The following RASGEF1A variants were observed in gnomAD, a reference collection of about 807,000 sequenced individuals.
The protein encoded by RASGEF1A is ras-GEF domain-containing family member 1A.
Under a neutral mutation model 56.4 loss-of-function variants are expected in RASGEF1A, and 18 were observed. The observed-to-expected ratio is 0.32, with a 90% CI of 0.22 to 0.47. The LOEUF (loss-of-function observed/expected upper bound fraction) is 0.47, where lower values mean the gene tolerates loss of function less well. RASGEF1A is among the 20% of genes least tolerant of loss of function. The pLI, the probability that RASGEF1A is intolerant of heterozygous loss-of-function variation, is 1.00. For synonymous variants in RASGEF1A, 245 were observed against 242.6 expected, an observed-to-expected ratio of 1.01 and a Z score of -0.09; for missense variants, 422 against 627.1, an observed-to-expected ratio of 0.67 and a Z score of 3.49.
intron 2 of RASGEF1A, among the ~76,000 whole-genome samples, chr10:43,205,679 T>G (rs745383895): frequency 1.6e-4 from 25 of 152,242 alleles, no homozygotes; most frequent in Middle Eastern, 3.4e-3. Flanking sequence ...CATCTCCTCC[T>G]ACCTGGGGCA....
intron 1 of RASGEF1A, among the ~76,000 whole-genome samples, chr10:43,244,838 A>T (rs1055164110): frequency 3.3e-5 from 5 of 152,132 alleles, no homozygotes; most frequent in African/African-American, 9.7e-5. Context: ...TATATATATA[A>T]AACTATAAAT....
chr10:43,237,817 C>T (rs984088207), intron 1 of RASGEF1A, among the ~76,000 whole-genome samples: 1 of 152,190 alleles, frequency 6.6e-6, no homozygotes, highest in Admixed American at 6.5e-5. Context: ...ATGGCCCCAG[C>T]ACATAGACCA....
Position 43,196,628 on chromosome 10 carries a change from G to T in RASGEF1A, c.1349-80C>A. ...ACCCAGCTGTCCCTTCAGGAGTACAGCCCAGCACAAGGGGACAGTGACCTC... is the reference window on the plus strand; with the variant it reads ...ACCCAGCTGTCCCTTCAGGAGTACATCCCAGCACAAGGGGACAGTGACCTC... On this transcript the variant is annotated intron_variant, in intron 11 of 12. Coordinates refer to ENST00000395810, the MANE Select transcript of RASGEF1A (RefSeq NM_145313.4). This position sits in a 1 kb window ranked among gnomAD's most constrained non-coding sequence, Gnocchi z 4.6. 1 of 1,317,754 alleles carries T rather than the reference G, an allele frequency of 7.6e-7. No homozygotes were observed. The highest frequency in any genetic ancestry group is 1.1e-6 in the Non-Finnish European group (1 of 920,674). 81.6% of individuals were successfully genotyped at this position (1,317,754 alleles called of 1,614,324 possible). A position where few individuals can be genotyped will look rare whatever the true frequency, so the allele number is the denominator to read the frequency against.
rs1358501526 is a variant in RASGEF1A at position 43,203,117 on chromosome 10, C to T, written c.321+181G>A. 2.8e-5 allele frequency among the ~76,000 whole-genome samples: 4 copies of T among 144,782 alleles called. No individual in the cohort carries two copies. In the East Asian group the frequency reaches 8.4e-4, roughly 30 times the overall value. The allele number at this position is 144,782 out of a possible 152,430, so 95.0% of individuals were successfully genotyped here. On this transcript the variant is annotated intron_variant, in intron 3 of 12. Coordinates refer to ENST00000395810, the MANE Select transcript of RASGEF1A (RefSeq NM_145313.4). ...GCCACGCCTCAACCCTAGCCCTGAC[C>T]CCACCCCCTGGCCCCACCCTGGACC... is the stretch of plus-strand genomic sequence containing the variant.
At chr10:43,265,825 G>A (rs891140173) in intron 1 of RASGEF1A, among the ~76,000 whole-genome samples, 23 of 152,344 alleles carry the variant, frequency 1.5e-4, no homozygotes, top group African/African-American at 5.3e-4. Context: ...GAGGGGGCGG[G>A]AGAACCCTGG....
At chr10:43,210,868 G>A (rs12243574) in intron 1 of RASGEF1A, among the ~76,000 whole-genome samples, 3 of 72,388 alleles carry the variant, frequency 4.1e-5, no homozygotes, top group Non-Finnish European at 6.2e-5. Flanking sequence ...TGCAGGGAGT[G>A]GGGGACAGGC....
chr10:43,256,044 T>C (rs1037939274), intron 1 of RASGEF1A, among the ~76,000 whole-genome samples: 5 of 152,120 alleles, frequency 3.3e-5, no homozygotes, highest in Non-Finnish European at 5.9e-5. Flanking sequence ...AGAGCTACCA[T>C]AGTGTTTAGA....
chr10:43,213,943 A>T (rs78942624), intron 1 of RASGEF1A, among the ~76,000 whole-genome samples: 8,559 of 152,160 alleles, frequency 0.056, 624 homozygotes, highest in African/African-American at 0.17. Flanking sequence ...CTACCCAGCT[A>T]TCTAATGTGA....
chr10:43,208,668 C>G (rs1840028131), intron 1 of RASGEF1A: 1 of 985,512 alleles, frequency 1.0e-6, no homozygotes, highest in African/African-American at 1.7e-5. Flanking sequence ...GGAGACCCAC[C>G]TGGGGACACG....
chr10:43,200,511 C>T (rs376930583), intron 5 of RASGEF1A, among the ~76,000 whole-genome samples, 156 bp downstream of exon 5: 38 of 152,322 alleles, frequency 2.5e-4, no homozygotes, highest in East Asian at 9.7e-4. Context: ...GCCACTCAGA[C>T]GGACACACAT....
In RASGEF1A at chr10:43,266,963, A is replaced by G. The variant is rs897030538; in HGVS notation, c.-125T>C. On this transcript the variant is annotated 5_prime_UTR_variant, in exon 1 of 13. Transcript: ENST00000395810. ...GCGCCCGGGCCCGCGGCACCCGCCC[A>G]CCCGCGGCCGCCCCCGCGCTGCGCC... 6.9e-6 allele frequency: 1 copy of G among 143,948 alleles called. No homozygotes were observed. Among genetic ancestry groups the G allele is most frequent in the Admixed American group, 6.9e-5 (1 of 14,548 alleles). 8.9% of individuals were successfully genotyped at this position (143,948 alleles called of 1,614,324 possible).
chr10:43,203,776 C>A, intron 2 of RASGEF1A: 2 of 1,043,804 alleles, frequency 1.9e-6, no homozygotes, highest in South Asian at 3.1e-5. Context: ...AGGATGCAAG[C>A]CAGCTGCTGT....
At chr10:43,228,906 G>GC (rs1840319303) in intron 1 of RASGEF1A, among the ~76,000 whole-genome samples, 2 of 152,238 alleles carry the variant, frequency 1.3e-5, no homozygotes, top group Non-Finnish European at 2.9e-5. Context: ...GATGAGTCCT[G>GC]CATCTTTCAC....
rs530162822 is a variant in RASGEF1A at position 43,219,758 on chromosome 10, C to T, written c.-6-13636G>A. Among the ~76,000 whole-genome samples, 14 of 152,350 alleles carry T rather than the reference C, an allele frequency of 9.2e-5. No individual in the cohort carries two copies. The South Asian group carries it at 2.7e-3, about 29-fold the overall frequency. On this transcript the variant is annotated intron_variant, in intron 1 of 12. Transcript: ENST00000395810. ...GGGTGAGCTGCACCTCCGCCCTCTA[C>T]AGCCACCTAGGGTGCTGGGATATGG...
chr10:43,209,688 C>A (rs920498936), intron 1 of RASGEF1A, among the ~76,000 whole-genome samples: 5 of 143,026 alleles, frequency 3.5e-5, no homozygotes, highest in Admixed American at 1.4e-4. Context: ...GGAAGCCCCC[C>A]CACCAGGGCT....
At chr10:43,246,060 A>G (rs1840564431) in intron 1 of RASGEF1A, among the ~76,000 whole-genome samples, 1 of 152,160 alleles carries the variant, frequency 6.6e-6, no homozygotes, top group South Asian at 2.1e-4. Flanking sequence ...TAATAAATAA[A>G]TTCAGCAAGG....
chr10:43,214,112 T>C (rs1288842045), intron 1 of RASGEF1A, among the ~76,000 whole-genome samples: 2 of 152,180 alleles, frequency 1.3e-5, no homozygotes, highest in South Asian at 2.1e-4. Flanking sequence ...ACTGCAGCCA[T>C]GGACTCTGAG....
intron 1 of RASGEF1A, among the ~76,000 whole-genome samples, chr10:43,247,608 T>C (rs1271390620): frequency 6.6e-6 from 1 of 151,996 alleles, no homozygotes; most frequent in Admixed American, 6.6e-5. Context: ...CTGAAGAACT[T>C]GAGAACAGTA....
At chr10:43,262,221 C>A (rs929866657) in intron 1 of RASGEF1A, among the ~76,000 whole-genome samples, 4 of 152,198 alleles carry the variant, frequency 2.6e-5, no homozygotes, top group African/African-American at 9.7e-5. Flanking sequence ...GCCCCCTCTC[C>A]TCTCCCAGCT....
Sources: gnomAD v4.1 joint callset for allele counts (sites outside exome capture counted in the v4.1 genomes callset) on GRCh38, gnomAD v4.1.1 for gene constraint, Gnocchi (gnomAD v3.1) non-coding constraint, MANE v1.5 for transcripts, NCBI Gene and HGNC (gene_info 2026-07-23, HGNC 2026-07-21) for gene names.